TSPAN15: variants seen among roughly 807,000 people sequenced by gnomAD.
TSPAN15 encodes the protein tetraspanin-15.
Under a neutral mutation model 34.5 loss-of-function variants are expected in TSPAN15, and 20 were observed. The observed-to-expected ratio is 0.58, with a 90% CI of 0.41 to 0.84. The LOEUF (loss-of-function observed/expected upper bound fraction) is 0.84. TSPAN15 is among the 40% of genes least tolerant of loss of function. TSPAN15 has a pLI of 0.00. For synonymous variants in TSPAN15, 155 were observed against 153.9 expected (o/e 1.01, Z -0.05); for missense variants, 313 against 386.1 (o/e 0.81, Z 1.59).
chr10:69,503,547 G>A (rs1412569218), intron 5 of TSPAN15, among the ~76,000 whole-genome samples: 1 of 152,140 alleles, frequency 6.6e-6, no homozygotes, highest in Non-Finnish European at 1.5e-5. Context: ...CTAAGGTTGG[G>A]CTCTGCTCCT....
At chr10:69,515,659 T>C in the TSPAN15 span, among the ~76,000 whole-genome samples, 2 of 152,116 alleles carry the variant, frequency 1.3e-5, no homozygotes, top group African/African-American at 4.8e-5. Flanking sequence ...CACCTGGAAA[T>C]ATTATGGGGC....
intron 1 of TSPAN15, among the ~76,000 whole-genome samples, chr10:69,457,654 T>C (rs1841144277): frequency 6.6e-6 from 1 of 152,226 alleles, no homozygotes; most frequent in African/African-American, 2.4e-5. Flanking sequence ...GAGCTTGGCC[T>C]GTGATTTCTT....
At chr10:69,488,563 A>G (rs1841903789) in intron 3 of TSPAN15, among the ~76,000 whole-genome samples, 1 of 152,178 alleles carries the variant, frequency 6.6e-6, no homozygotes, top group South Asian at 2.1e-4. Context: ...TATTTTCCAT[A>G]AGTGTCAGCC....
the TSPAN15 span, among the ~76,000 whole-genome samples, chr10:69,517,449 G>C: frequency 1.3e-5 from 2 of 152,234 alleles, no homozygotes; most frequent in Non-Finnish European, 2.9e-5. Context: ...GCCCTCCTGA[G>C]GCTGACAAGG....
At chr10:69,480,544 T>A (rs994353353) in intron 1 of TSPAN15, among the ~76,000 whole-genome samples, 1 of 152,190 alleles carries the variant, frequency 6.6e-6, no homozygotes, top group African/African-American at 2.4e-5. Flanking sequence ...CTCTGAAAAC[T>A]TCCATGCTCT....
chr10:69,498,095 G>A (rs1412851848), intron 4 of TSPAN15, among the ~76,000 whole-genome samples, 185 bp from the exon 5 acceptor site: 2 of 152,142 alleles, frequency 1.3e-5, no homozygotes, highest in African/African-American at 4.8e-5. Flanking sequence ...GTGACAGGGG[G>A]TTCACTACCC....
intron 1 of TSPAN15, among the ~76,000 whole-genome samples, chr10:69,473,823 A>G (rs374045744): frequency 2.6e-5 from 4 of 152,130 alleles, no homozygotes; most frequent in African/African-American, 7.2e-5. Flanking sequence ...CGTTCCAGAC[A>G]CTTGAGATCT....
intron 5 of TSPAN15, among the ~76,000 whole-genome samples, chr10:69,498,639 A>G (rs1458759950): frequency 2.6e-5 from 4 of 152,062 alleles, no homozygotes; most frequent in Non-Finnish European, 2.9e-5. Context: ...TTGAGCACCT[A>G]CCTTGTGCAG....
chr10:69,534,931 G>A, the TSPAN15 span, among the ~76,000 whole-genome samples: 3 of 152,170 alleles, frequency 2.0e-5, no homozygotes, highest in East Asian at 5.8e-4. Context: ...GCTGCAGTGA[G>A]CTGTGTTCAT....
intron 5 of TSPAN15, among the ~76,000 whole-genome samples, chr10:69,501,985 G>A (rs141194178): frequency 9.9e-4 from 88 of 88,862 alleles, no homozygotes; most frequent in Admixed American, 3.5e-3. Flanking sequence ...CCACCCCCCC[G>A]CACCCCATCC....
downstream of TSPAN15, among the ~76,000 whole-genome samples, chr10:69,507,855 C>T (rs764448244): frequency 2.0e-5 from 3 of 151,240 alleles, no homozygotes; most frequent in African/African-American, 7.3e-5. Context: ...CCTATTTTAC[C>T]GAGAACCGAG....
chr10:69,493,699 C>T (rs1326680851), intron 3 of TSPAN15, among the ~76,000 whole-genome samples: 1 of 152,186 alleles, frequency 6.6e-6, no homozygotes, highest in Non-Finnish European at 1.5e-5. Context: ...GTCTTGATCT[C>T]CTGACCTTGT....
chr10:69,495,257 G>T (rs1842053678), intron 3 of TSPAN15: 2 of 234,882 alleles, frequency 8.5e-6, no homozygotes, highest in Non-Finnish European at 1.7e-5. Context: ...CCAGGTCTCA[G>T]CTCAGGCATG....
chr10:69,513,069 T>C, the TSPAN15 span, among the ~76,000 whole-genome samples: 3 of 152,224 alleles, frequency 2.0e-5, no homozygotes, highest in African/African-American at 7.2e-5. Flanking sequence ...ATGAGAGTTC[T>C]GGTTTCCCTA....
chr10:69,465,903 G>T (rs1239075419), intron 1 of TSPAN15, among the ~76,000 whole-genome samples: 2 of 152,242 alleles, frequency 1.3e-5, no homozygotes, highest in Admixed American at 1.3e-4. Flanking sequence ...GGTCAGGTTT[G>T]TAACTTTACG....
chr10:69,479,285 C>T (rs1260454459), intron 1 of TSPAN15, among the ~76,000 whole-genome samples: 1 of 152,250 alleles, frequency 6.6e-6, no homozygotes, highest in East Asian at 1.9e-4. Flanking sequence ...GCTGGAATGC[C>T]TCACAGAGTC....
chr10:69,451,594 G>C lies in TSPAN15; in HGVS notation c.-1G>C. On this transcript the variant is annotated 5_prime_UTR_variant, in exon 1 of 8. Transcript: ENST00000373290. ...CGTAACCCGCGCGGGGAGCGCCCAG[G>C]ATGCCGCGCGGGGACTCGGAGCAGG... is the stretch of plus-strand genomic sequence containing the variant. 1 of 1,491,410 alleles carries C rather than the reference G, an allele frequency of 6.7e-7. No homozygotes were observed. Among genetic ancestry groups the C allele is most frequent in the Non-Finnish European group, 8.9e-7 (1 of 1,117,556 alleles). 92.4% of individuals were successfully genotyped at this position (1,491,410 alleles called of 1,614,324 possible).
the TSPAN15 span, among the ~76,000 whole-genome samples, chr10:69,542,036 G>A: frequency 4.6e-5 from 7 of 152,200 alleles, no homozygotes; most frequent in South Asian, 4.1e-4. Flanking sequence ...CTTTTCTATC[G>A]CATTGCCAGG....
chr10:69,506,305 G>C lies in TSPAN15; in HGVS notation c.735+65G>C. ...ATTGCAGAAGGGCAGAGAAGGTGCAGAGGGGAAGAGCGAAGAGGCTTTTTT... is the reference window on the plus strand; with the variant it reads ...ATTGCAGAAGGGCAGAGAAGGTGCACAGGGGAAGAGCGAAGAGGCTTTTTT... On this transcript the variant is annotated intron_variant, in intron 7 of 7. Coordinates refer to ENST00000373290, the MANE Select transcript of TSPAN15 (RefSeq NM_012339.5). The surrounding 1 kb of genome is among the most constrained non-coding windows in gnomAD (Gnocchi z 4.7). 6.7e-7 allele frequency: 1 copy of C among 1,494,936 alleles called. No individual in the cohort carries two copies. Among genetic ancestry groups the C allele is most frequent in the Non-Finnish European group, 9.3e-7 (1 of 1,074,718 alleles). The allele number at this position is 1,494,936 out of a possible 1,614,324, so 92.6% of individuals were successfully genotyped here.
Sources: gnomAD v4.1 joint callset for allele counts (sites outside exome capture counted in the v4.1 genomes callset) on GRCh38, gnomAD v4.1.1 for gene constraint, Gnocchi (gnomAD v3.1) non-coding constraint, MANE v1.5 for transcripts, NCBI Gene and HGNC (gene_info 2026-07-23, HGNC 2026-07-21) for gene names.